The following ABL1 variants were observed in gnomAD, a reference collection of about 807,000 sequenced individuals.
ABL1 encodes tyrosine-protein kinase ABL1.
ABL1 carries 11 observed loss-of-function variants against 94.7 expected under a neutral mutation model. That is an observed-to-expected ratio of 0.12 (90% CI 0.07 to 0.19). The LOEUF (loss-of-function observed/expected upper bound fraction) is 0.19. ABL1 is among the 10% of genes least tolerant of loss of function. ABL1 has a pLI of 1.00. For synonymous variants in ABL1, 656 were observed against 622.4 expected (o/e 1.05, Z -0.80); for missense variants, 1,082 against 1,489.4 (o/e 0.73, Z 4.50).
At chr9:130,792,163 G>A (rs547399016) in intron 1 of ABL1, among the ~76,000 whole-genome samples, 2 of 152,022 alleles carry the variant, frequency 1.3e-5, no homozygotes, top group Non-Finnish European at 2.9e-5. Flanking sequence ...GGGTCCCTTG[G>A]GGCTCATTTT....
chr9:130,865,618 C>T (rs919827659), intron 4 of ABL1, among the ~76,000 whole-genome samples: 4 of 151,888 alleles, frequency 2.6e-5, no homozygotes, highest in African/African-American at 9.7e-5. Context: ...CGTGGTGGTG[C>T]GTGTGTATTC....
rs572840014 is a variant in ABL1 at position 130,814,915 on chromosome 9, T to TA, written c.137-39141dup. Among the ~76,000 whole-genome samples the TA allele has an allele frequency of 7.8e-4, 118 of 151,552 alleles. 1 individual carries two copies. The South Asian group carries it at 0.023, about 30-fold the overall frequency. On this transcript the variant is annotated intron_variant, in intron 1 of 10. Coordinates refer to the ABL1 transcript ENST00000372348. The surrounding 1 kb of genome is among the most constrained non-coding windows in gnomAD (Gnocchi z 4.4). Reference sequence around the variant, plus strand: ...AAAATAAAAATAAAGTTTAGTAAAATAAAAAAAATCAGTAAAATACAAATA... The same window carrying TA: ...AAAATAAAAATAAAGTTTAGTAAAATAAAAAAAAATCAGTAAAATACAAATA...
chr9:130,877,182 A>G (rs35199199), intron 7 of ABL1, among the ~76,000 whole-genome samples: 1,793 of 148,130 alleles, frequency 0.012, 271 homozygotes, highest in African/African-American at 0.043. Context: ...ATTAGCTCCT[A>G]GTCATTTTGA....
upstream of ABL1, among the ~76,000 whole-genome samples, chr9:130,831,953 G>A (rs1427562006): frequency 1.3e-5 from 2 of 151,972 alleles, no homozygotes; most frequent in Non-Finnish European, 2.9e-5. Flanking sequence ...AGATCATCTG[G>A]GAGCTTCAGA....
intron 1 of ABL1, among the ~76,000 whole-genome samples, chr9:130,753,422 C>CTTTTTTTTTTTTTTTTTTTTT (rs71389347): frequency 2.2e-5 from 2 of 90,342 alleles, no homozygotes; most frequent in African/African-American, 5.1e-5. Flanking sequence ...TTTTTCTTTT[C>CTTTTTTTTTTTTTTTTTTTTT]TTTTTTTTTT....
At chr9:130,722,847 A>G (rs539647232) in intron 1 of ABL1, among the ~76,000 whole-genome samples, 1 of 152,264 alleles carries the variant, frequency 6.6e-6, no homozygotes, top group Non-Finnish European at 1.5e-5. Context: ...GTTTTACTTC[A>G]TTTAAATGAA....
At chr9:130,715,914 A>G (rs968186421) in intron 1 of ABL1, among the ~76,000 whole-genome samples, 12 of 152,058 alleles carry the variant, frequency 7.9e-5, no homozygotes, top group Non-Finnish European at 1.3e-4. Flanking sequence ...TAATGGTACA[A>G]AAGTAAAGCA....
chr9:130,754,147 A>T (rs889041901), intron 1 of ABL1, among the ~76,000 whole-genome samples: 4 of 150,794 alleles, frequency 2.7e-5, no homozygotes, highest in African/African-American at 9.8e-5. Flanking sequence ...CGGAGGTTGC[A>T]GTGAGCCAAG....
intron 1 of ABL1, among the ~76,000 whole-genome samples, chr9:130,792,461 C>G (rs1194278494): frequency 1.3e-5 from 2 of 152,030 alleles, no homozygotes; most frequent in African/African-American, 4.8e-5. Context: ...CAGCTACTTC[C>G]CTACCCCTAG....
At chr9:130,733,799 C>T (rs1479945005) in intron 1 of ABL1, among the ~76,000 whole-genome samples, 1 of 151,976 alleles carries the variant, frequency 6.6e-6, no homozygotes, top group African/African-American at 2.4e-5. Flanking sequence ...ACCATGTTAG[C>T]CAGGATGGTC....
intron 1 of ABL1, among the ~76,000 whole-genome samples, chr9:130,726,502 C>T (rs571899591): frequency 6.6e-6 from 1 of 152,126 alleles, no homozygotes; most frequent in Non-Finnish European, 1.5e-5. Flanking sequence ...CTCTCTGTTT[C>T]TCTCTCACAC....
rs1831102192 is a variant in ABL1, at chr9:130,863,085, GCTGGCATTAGGCGATGCAT to G, written c.822+54_822+72del. On this transcript the variant is annotated intron_variant, in intron 4 of 10. Transcript: ENST00000318560. The surrounding 1 kb of genome is among the most constrained non-coding windows in gnomAD (Gnocchi z 4.3). ...CCAGGGTACGTGGGGCAAGGCGTCT[GCTGGCATTAGGCGATGCAT>G]CTGCCTGGAAGTCTACCTCCTGCCT... is the stretch of plus-strand genomic sequence containing the variant. 1 of 1,528,194 alleles carries G rather than the reference GCTGGCATTAGGCGATGCAT, an allele frequency of 6.5e-7. No individual in the cohort carries two copies. The highest frequency in any genetic ancestry group is 1.3e-5 in the South Asian group (1 of 77,920). The allele number at this position is 1,528,194 out of a possible 1,614,324, so 94.7% of individuals were successfully genotyped here.
At chr9:130,757,536 CTTTTTTT>C (rs11411714) in intron 1 of ABL1, among the ~76,000 whole-genome samples, 1 of 101,886 alleles carries the variant, frequency 9.8e-6, no homozygotes, top group East Asian at 3.3e-4. Flanking sequence ...TACTCCAGGC[CTTTTTTT>C]TTTTTTTTTT....
chr9:130,838,826 TTGTACA>T (rs1333731836), intron 1 of ABL1, among the ~76,000 whole-genome samples: 1 of 152,254 alleles, frequency 6.6e-6, no homozygotes, highest in Non-Finnish European at 1.5e-5. Flanking sequence ...TGCCTGAATA[TTGTACA>T]TGTATGTGAC....
At chr9:130,882,694 C>T (rs2133031474) in intron 10 of ABL1, among the ~76,000 whole-genome samples, 1 of 152,124 alleles carries the variant, frequency 6.6e-6, no homozygotes, top group Non-Finnish European at 1.5e-5. Flanking sequence ...GCCACCACAC[C>T]CAGCTAATTT....
intron 1 of ABL1, among the ~76,000 whole-genome samples, chr9:130,738,938 A>C (rs1238277108): frequency 6.6e-6 from 1 of 152,104 alleles, no homozygotes. Flanking sequence ...GCTGGAGTGC[A>C]GTGGTGCGAT....
chr9:130,789,791 G>T (rs1829880392), intron 1 of ABL1, among the ~76,000 whole-genome samples: 1 of 152,158 alleles, frequency 6.6e-6, no homozygotes, highest in Non-Finnish European at 1.5e-5. Flanking sequence ...AAAATTTATG[G>T]ATTGGTTAAA....
intron 1 of ABL1, among the ~76,000 whole-genome samples, chr9:130,741,528 A>G (rs1041982680): frequency 6.6e-6 from 1 of 151,778 alleles, no homozygotes; most frequent in Non-Finnish European, 1.5e-5. Flanking sequence ...CTGATATACT[A>G]GTTACCATCC....
At chr9:130,846,492 G>T (rs368092442) in intron 1 of ABL1, among the ~76,000 whole-genome samples, 1 of 152,190 alleles carries the variant, frequency 6.6e-6, no homozygotes, top group African/African-American at 2.4e-5. Context: ...TAAAGGGAAC[G>T]TTTGTCACGT....
Sources: allele counts gnomAD v4.1 joint callset (sites outside exome capture counted in the v4.1 genomes callset), GRCh38; gene constraint gnomAD v4.1.1; non-coding constraint Gnocchi (gnomAD v3.1); transcripts MANE v1.5; gene names NCBI Gene and HGNC (gene_info 2026-07-23, HGNC 2026-07-21).